The following ZFHX3 variants were observed in gnomAD, a reference collection of about 807,000 sequenced individuals.
ZFHX3 encodes the protein zinc finger homeobox protein 3.
A neutral mutation model predicts 279.1 loss-of-function variants in ZFHX3; 42 were observed. The observed-to-expected ratio is 0.15, with a 90% CI of 0.12 to 0.19. The LOEUF (loss-of-function observed/expected upper bound fraction) is 0.19. ZFHX3 is among the 10% of genes least tolerant of loss of function. The pLI, the probability that ZFHX3 is intolerant of heterozygous loss-of-function variation, is 1.00. For synonymous variants in ZFHX3, 2,293 were observed against 1,957.8 expected (o/e 1.17, Z -4.52); for missense variants, 4,981 against 4,754.0 (o/e 1.05, Z -1.40).
chr16:72,854,977 A>G (rs1412464265), intron 4 of ZFHX3, among the ~76,000 whole-genome samples: 3 of 151,554 alleles, frequency 2.0e-5, no homozygotes, highest in Non-Finnish European at 4.4e-5. Flanking sequence ...TTCCAAATTC[A>G]AACAACAAAC....
chr16:72,939,804 C>T lies in ZFHX3; in HGVS notation c.3216+10665G>A, dbSNP rs187752117. 2.8e-3 allele frequency among the ~76,000 whole-genome samples: 431 copies of T among 152,284 alleles called. 1 individual carries two copies. The highest frequency in any genetic ancestry group is 6.8e-3 in the Middle Eastern group (2 of 294). On this transcript the variant is annotated intron_variant, in intron 3 of 9. Transcript: ENST00000268489. ...TTGGGAGGCTGAGGCAGGAGAATCACTTGAACCCGGGAGGCAGAGGTTGTG... is the reference window on the plus strand; with the variant it reads ...TTGGGAGGCTGAGGCAGGAGAATCATTTGAACCCGGGAGGCAGAGGTTGTG...
chr16:72,787,913 G>C lies in ZFHX3; in HGVS notation c.10363C>G (p.Pro3455Ala). ...TACTGCACCTTTGGAACAATGAAGGGGTCGTAGAGGGAGTCCGCACTTTTG... is the reference window on the plus strand; with the variant it reads ...TACTGCACCTTTGGAACAATGAAGGCGTCGTAGAGGGAGTCCGCACTTTTG... ...ESKSADSLYD[P>A]FIVPKVQYKL... Residue 3455 changes from proline to alanine, a missense_variant, in exon 10 of 10, where the codon CCC becomes GCC. By Grantham distance (27) the Pro-to-Ala change is conservative (BLOSUM62 -1). This residue lies in a region of ZFHX3 where 1,034 missense variants were observed against 786.0 expected (regional missense o/e 1.32). Coordinates refer to ENST00000268489, the MANE Select transcript of ZFHX3 (RefSeq NM_006885.4). 1 of 1,614,094 alleles carries C rather than the reference G, an allele frequency of 6.2e-7. No individual in the cohort carries two copies.
At chr16:73,079,478 C>T (rs1965921911) in intron 8 of ZFHX3, among the ~76,000 whole-genome samples, 1 of 152,066 alleles carries the variant, frequency 6.6e-6, no homozygotes, top group Admixed American at 6.6e-5. Flanking sequence ...CAGGGCGAGA[C>T]TCTGTCTCCA....
intron 2 of ZFHX3, among the ~76,000 whole-genome samples, chr16:73,474,632 C>A (rs980099851): frequency 1.3e-5 from 2 of 152,100 alleles, no homozygotes; most frequent in Non-Finnish European, 2.9e-5. Context: ...TTTCTTTAGT[C>A]CCCTCTTACA....
At chr16:73,335,003 C>T (rs924178773) in intron 3 of ZFHX3, among the ~76,000 whole-genome samples, 9 of 151,832 alleles carry the variant, frequency 5.9e-5, no homozygotes, top group Non-Finnish European at 8.8e-5. Flanking sequence ...AAATTTAAAA[C>T]ATTTAAAGGT....
Position 72,894,763 on chromosome 16 carries a change from C to T in ZFHX3, c.3217-4801G>A, listed in dbSNP as rs560409252. Among the ~76,000 whole-genome samples the T allele has an allele frequency of 1.7e-3, 255 of 152,316 alleles. 1 individual carries two copies. Among genetic ancestry groups the T allele is most frequent in the Middle Eastern group, 3.4e-3 (1 of 294 alleles). ...CCCAGTGGTGCACTCAAGAAAGGAG[C>T]TGCCTGCTTTCAGAGTTCTTGCTCT... On this transcript the variant is annotated intron_variant, in intron 3 of 9. Coordinates refer to ENST00000268489, the MANE Select transcript of ZFHX3 (RefSeq NM_006885.4).
chr16:73,014,915 T>C (rs1398942586), intron 1 of ZFHX3: 2 of 150,158 alleles, frequency 1.3e-5, no homozygotes, highest in Non-Finnish European at 3.0e-5. Context: ...CCCTGAAGGG[T>C]TCACCCTACC....
At chr16:73,472,059 C>A (rs957133326) in intron 2 of ZFHX3, among the ~76,000 whole-genome samples, 2 of 152,056 alleles carry the variant, frequency 1.3e-5, no homozygotes, top group African/African-American at 2.4e-5. Context: ...CCTGGAGAAG[C>A]CTATCATTCC....
chr16:73,116,337 TCA>T (rs1021355178), intron 7 of ZFHX3, among the ~76,000 whole-genome samples: 1 of 152,086 alleles, frequency 6.6e-6, no homozygotes, highest in African/African-American at 2.4e-5. Context: ...AGTTACTCAC[TCA>T]CAGGCATTTT....
At chr16:73,590,879 C>T (rs879280703) in intron 2 of ZFHX3, among the ~76,000 whole-genome samples, 12 of 151,876 alleles carry the variant, frequency 7.9e-5, no homozygotes, top group Non-Finnish European at 1.3e-4. Context: ...TGATGGGGGA[C>T]GATATCTCAT....
chr16:73,168,211 T>TTTTCTCTTTC lies in ZFHX3; in HGVS notation c.-1103-24381_-1103-24380insGAAAGAGAAA, dbSNP rs1555502323. ...CCTTTTAACACTATAGTTTCTTTTG[T>TTTTCTCTTTC]TTTCTTTCTTTCTTTCTTTCTTTCT... On this transcript the variant is annotated intron_variant, in intron 5 of 17. Transcript: ENST00000641206. Among the ~76,000 whole-genome samples the TTTTCTCTTTC allele has an allele frequency of 5.0e-3, 477 of 95,310 alleles. 6 individuals are homozygous for TTTTCTCTTTC. Among genetic ancestry groups the TTTTCTCTTTC allele is most frequent in the African/African-American group, 0.018 (452 of 25,016 alleles). 62.5% of individuals were successfully genotyped at this position (95,310 alleles called of 152,430 possible).
chr16:72,934,209 G>C (rs972971251), intron 3 of ZFHX3, among the ~76,000 whole-genome samples: 4 of 152,164 alleles, frequency 2.6e-5, no homozygotes, highest in Non-Finnish European at 4.4e-5. Flanking sequence ...AGGATCACTT[G>C]AGGTCAGGAG....
chr16:72,842,361 G>A (rs1166929701), intron 4 of ZFHX3, among the ~76,000 whole-genome samples: 1 of 152,134 alleles, frequency 6.6e-6, no homozygotes, highest in Non-Finnish European at 1.5e-5. Context: ...GGGATTAGAA[G>A]TGTGAGCCAC....
At chr16:73,746,096 G>A (rs1041777658) in intron 1 of ZFHX3, among the ~76,000 whole-genome samples, 4 of 151,904 alleles carry the variant, frequency 2.6e-5, no homozygotes, top group Non-Finnish European at 4.4e-5. Flanking sequence ...GAAAGGGAGG[G>A]AAGGAAATGG....
At chr16:72,816,393 A>G (rs1470017556) in intron 5 of ZFHX3, among the ~76,000 whole-genome samples, 4 of 152,200 alleles carry the variant, frequency 2.6e-5, no homozygotes, top group Non-Finnish European at 5.9e-5. Context: ...GTGGTAAGGA[A>G]TCATGCGACT....
At chr16:73,867,423 C>A (rs1043936703) in intron 1 of ZFHX3, among the ~76,000 whole-genome samples, 2 of 152,130 alleles carry the variant, frequency 1.3e-5, no homozygotes, top group African/African-American at 4.8e-5. Context: ...ACTTGCAAAG[C>A]CGATGCTCCC....
intron 5 of ZFHX3, among the ~76,000 whole-genome samples, chr16:73,173,952 T>G (rs1967599603): frequency 6.6e-6 from 1 of 152,114 alleles, no homozygotes. Flanking sequence ...ATTAAAACAT[T>G]CGGTCCCTGT....
chr16:73,623,328 G>T (rs979482479), intron 2 of ZFHX3, among the ~76,000 whole-genome samples: 1 of 151,962 alleles, frequency 6.6e-6, no homozygotes, highest in African/African-American at 2.4e-5. Flanking sequence ...GAGCCACTGC[G>T]CCCGGCCGGG....
chr16:73,219,532 G>A (rs939929783), intron 5 of ZFHX3, among the ~76,000 whole-genome samples: 1 of 152,240 alleles, frequency 6.6e-6, no homozygotes, highest in African/African-American at 2.4e-5. Context: ...ACTGAGGCAT[G>A]CCCAGTTGAC....
Sources: allele counts gnomAD v4.1 joint callset (sites outside exome capture counted in the v4.1 genomes callset), GRCh38; gene constraint gnomAD v4.1.1; regional missense constraint gnomAD v4.1.1; transcripts MANE v1.5; gene names NCBI Gene and HGNC (gene_info 2026-07-23, HGNC 2026-07-21).